SNX13: variants seen among roughly 807,000 people sequenced by gnomAD.
The protein encoded by SNX13 is sorting nexin-13.
In SNX13, 45 loss-of-function variants were observed where a neutral mutation model predicts 133.6. The observed-to-expected ratio is 0.34, with a 90% CI of 0.27 to 0.43. SNX13 has a LOEUF of 0.43. Among genes scored for constraint, SNX13 ranks in the 20% least tolerant of loss-of-function variants. The pLI is 1.00. For synonymous variants in SNX13, 414 were observed against 373.9 expected, an observed-to-expected ratio of 1.11 and a Z score of -1.24; for missense variants, 1,032 against 1,145.1, an observed-to-expected ratio of 0.90 and a Z score of 1.43.
Position 17,850,916 on chromosome 7 carries a change from A to T in SNX13, c.886T>A (p.Leu296Met), listed in dbSNP as rs760156173. ...TCTAGCTCTCCAATATTGTCACTCA[A>T]TTTAATAATGTTCATAAAGGCCTCA... The part of the protein sequence containing the change: ...NYEAFMNIIK[L>M]SDNIGELEAV... The change falls in exon 10 of 26, where the codon TTG (leucine) becomes ATG (methionine). Residue 296 changes from leucine to methionine, a missense_variant. By Grantham distance (15) the Leu-to-Met change is conservative (BLOSUM62 2). Coordinates refer to ENST00000428135, the MANE Select transcript of SNX13 (RefSeq NM_015132.5). The T allele has an allele frequency of 6.2e-7, 1 of 1,610,302 alleles. No homozygotes were observed. Among genetic ancestry groups the T allele is most frequent in the Non-Finnish European group, 8.5e-7 (1 of 1,178,938 alleles).
At chr7:17,803,626 T>C (rs752196134) in intron 20 of SNX13, 46 bp from the exon 21 acceptor site, 2 of 1,514,492 alleles carry the variant, frequency 1.3e-6, no homozygotes, top group Non-Finnish European at 1.8e-6. Context: ...TGTACCAGAG[T>C]TGTTATCCAA....
chr7:17,848,103 G>A (rs969557249), intron 11 of SNX13, among the ~76,000 whole-genome samples: 1 of 152,100 alleles, frequency 6.6e-6, no homozygotes, highest in Non-Finnish European at 1.5e-5. Flanking sequence ...CCCATCCTGT[G>A]CCTATAAAAA....
At chr7:17,796,253 C>G (rs757662677) in intron 25 of SNX13, 2 of 151,860 alleles carry the variant, frequency 1.3e-5, no homozygotes, top group Non-Finnish European at 2.9e-5. Context: ...CAACCAAAAT[C>G]AGACCAACAA....
Position 17,834,042 on chromosome 7 carries a change from G to T in SNX13, c.1597+10C>A. ...TATGCATATTATGTGTAAAATGGGT[G>T]CCACCTTACCTCCATCCCCATCATC... On this transcript the variant is annotated intron_variant, in intron 15 of 25. Coordinates refer to ENST00000428135, the MANE Select transcript of SNX13 (RefSeq NM_015132.5). The T allele has an allele frequency of 6.6e-7, 1 of 1,513,578 alleles. No homozygotes were observed. Among genetic ancestry groups the T allele is most frequent in the Non-Finnish European group, 8.9e-7 (1 of 1,123,446 alleles). 93.8% of individuals were successfully genotyped at this position (1,513,578 alleles called of 1,614,324 possible). A position where few individuals can be genotyped will look rare whatever the true frequency, so the allele number is the denominator to read the frequency against.
At chr7:17,927,852 A>G (rs1326001262) in intron 1 of SNX13, among the ~76,000 whole-genome samples, 1 of 152,182 alleles carries the variant, frequency 6.6e-6, no homozygotes, top group Non-Finnish European at 1.5e-5. Context: ...GAACAAATTT[A>G]GTTTATATAT....
chr7:17,840,074 G>T, intron 12 of SNX13, 74 bp from the exon 13 acceptor site: 1 of 1,250,276 alleles, frequency 8.0e-7, no homozygotes, highest in Non-Finnish European at 1.1e-6. Flanking sequence ...TTTATGACAA[G>T]TAAAGAAGGA....
chr7:17,926,576 A>G (rs551481236), intron 1 of SNX13, among the ~76,000 whole-genome samples: 1 of 152,336 alleles, frequency 6.6e-6, no homozygotes, highest in South Asian at 2.1e-4. Context: ...GATGTTTATA[A>G]ATCATTAAGA....
chr7:17,836,116 G>C (rs1229460957), intron 13 of SNX13, among the ~76,000 whole-genome samples: 1 of 152,024 alleles, frequency 6.6e-6, no homozygotes, highest in Non-Finnish European at 1.5e-5. Flanking sequence ...CAAGTATACA[G>C]AATAGATTAA....
At chr7:17,878,049 T>C (rs977883272) in intron 5 of SNX13, among the ~76,000 whole-genome samples, 3 of 152,060 alleles carry the variant, frequency 2.0e-5, no homozygotes, top group African/African-American at 7.2e-5. Flanking sequence ...AATCATGACA[T>C]GATAAATATG....
intron 8 of SNX13, among the ~76,000 whole-genome samples, chr7:17,872,167 G>C (rs1032389824): frequency 6.6e-6 from 1 of 152,122 alleles, no homozygotes; most frequent in South Asian, 2.1e-4. Flanking sequence ...CCACAGTAAC[G>C]GATGAGCAAG....
At position 17,839,899 on chromosome 7, in the gene SNX13, G is replaced by A. The variant is rs1382476297; in HGVS notation, c.1267C>T (p.Arg423Cys). ...AQQQLEVLLS[R>C]QRDGKHQTNQ... ...GTTTGATGTTTTCCATCTCTCTGAC[G>A]ACTTAATAAAACTTCTAGCTGCTGT... Residue 423 changes from arginine to cysteine, a missense_variant, in exon 13 of 26, where the codon CGT (arginine) becomes TGT (cysteine). By Grantham distance (180) the Arg-to-Cys change is radical. Coordinates refer to ENST00000428135, the MANE Select transcript of SNX13 (RefSeq NM_015132.5). 2.5e-6 allele frequency: 4 copies of A among 1,611,846 alleles called. No homozygotes were observed. Among genetic ancestry groups the A allele is most frequent in the East Asian group, 2.2e-5 (1 of 44,812 alleles).
chr7:17,912,238 G>A (rs529593282), intron 1 of SNX13, among the ~76,000 whole-genome samples: 1 of 152,124 alleles, frequency 6.6e-6, no homozygotes, highest in Non-Finnish European at 1.5e-5. Flanking sequence ...GGGACAGTCA[G>A]TATCCCTCTG....
intron 1 of SNX13, among the ~76,000 whole-genome samples, chr7:17,912,483 C>T (rs1742153720): frequency 6.6e-6 from 1 of 151,756 alleles, no homozygotes; most frequent in African/African-American, 2.4e-5. Flanking sequence ...GATCTTGACT[C>T]ACTGCAACCT....
rs935547415 is a variant in SNX13 at position 17,869,849 on chromosome 7, G to C, written c.754-1359C>G. Among the ~76,000 whole-genome samples the C allele has an allele frequency of 1.2e-4, 18 of 149,904 alleles. No individual in the cohort carries two copies. In the East Asian group the frequency reaches 3.3e-3, roughly 28 times the overall value. On this transcript the variant is annotated intron_variant, in intron 8 of 25. Transcript: ENST00000428135. ...ATGTTCAAATTTTAAAATGCACTTT[G>C]TTAGGAGAAAATTTACTCACACACA... is the stretch of plus-strand genomic sequence containing the variant.
chr7:17,908,095 A>G (rs1562505986), intron 1 of SNX13, among the ~76,000 whole-genome samples: 2 of 152,160 alleles, frequency 1.3e-5, no homozygotes, highest in African/African-American at 4.8e-5. Context: ...TGTTTCCTAT[A>G]TTCCTTTACT....
chr7:17,874,896 G>C (rs1320631209), intron 7 of SNX13, among the ~76,000 whole-genome samples: 1 of 152,130 alleles, frequency 6.6e-6, no homozygotes, highest in Non-Finnish European at 1.5e-5. Flanking sequence ...ATGGTAACAG[G>C]TATACTTCTG....
At position 17,803,489 on chromosome 7, in the gene SNX13, G is replaced by T. The variant is rs1784859268; in HGVS notation, c.2156C>A (p.Thr719Asn). Residue 719 changes from threonine (T) to asparagine (N), a missense_variant, in exon 21 of 26, where the codon ACT becomes AAT. Thr to Asn is a moderately conservative substitution (Grantham distance 65). Transcript: ENST00000428135. ...TTTGCCCATGTTGTCTGACATTTTA[G>T]TCATTCCCTCTGCCAAGCTATCAGG... Reference protein sequence around the residue: ...SLPDSLAEGMTKMSDNMGKMS... With the variant: ...SLPDSLAEGMNKMSDNMGKMS... 6.2e-7 allele frequency: 1 copy of T among 1,612,206 alleles called. No individual in the cohort carries two copies.
At chr7:17,917,435 T>G (rs1799682959) in intron 1 of SNX13, among the ~76,000 whole-genome samples, 2 of 152,196 alleles carry the variant, frequency 1.3e-5, no homozygotes, top group Non-Finnish European at 2.9e-5. Flanking sequence ...AAAAGACTCC[T>G]AGACCCGATA....
rs1270347963 is a variant in SNX13, at chr7:17,875,777, C to T, written c.454G>A (p.Asp152Asn). 1.7e-5 allele frequency: 28 copies of T among 1,601,448 alleles called. No individual in the cohort carries two copies. The highest frequency in any genetic ancestry group is 2.3e-5 in the Non-Finnish European group (27 of 1,173,414). ...IQFATRSKEI[D>N]WQPYFTTRIV... ...CGTGTAGTAAAATAAGGTTGCCAGT[C>T]TATTTCTTTTGACCTTATAAAAAAC... Residue 152 changes from aspartate to asparagine, a missense_variant, in exon 6 of 26, where the codon GAC (aspartate) becomes AAC (asparagine). Coordinates refer to ENST00000428135, the MANE Select transcript of SNX13 (RefSeq NM_015132.5).
Sources: allele counts gnomAD v4.1 joint callset (sites outside exome capture counted in the v4.1 genomes callset), GRCh38; gene constraint gnomAD v4.1.1; transcripts MANE v1.5; gene names NCBI Gene and HGNC (gene_info 2026-07-23, HGNC 2026-07-21).